Variants in REDIC1 observed in about 807,000 individuals in gnomAD.
REDIC1 encodes the protein HEI10 Interacting Protein 1.
the REDIC1 span, among the ~76,000 whole-genome samples, chr12:39,882,765 TC>T: frequency 0.071 from 10,836 of 152,260 alleles, 528 homozygotes; most frequent in Middle Eastern, 0.11. Context: ...TCTTCTAAAT[TC>T]CTTCTACATT....
chr12:39,772,442 A>G, the REDIC1 span, among the ~76,000 whole-genome samples: 1 of 152,154 alleles, frequency 6.6e-6, no homozygotes, highest in Non-Finnish European at 1.5e-5. Flanking sequence ...ATTGTCCATC[A>G]TAATACCCTA....
chr12:39,819,075 A>G, the REDIC1 span, among the ~76,000 whole-genome samples: 7 of 152,214 alleles, frequency 4.6e-5, no homozygotes, highest in African/African-American at 1.4e-4. Context: ...CAGTATAGTT[A>G]TATAAGCAAA....
the REDIC1 span, among the ~76,000 whole-genome samples, chr12:39,840,227 T>C: frequency 7.9e-5 from 12 of 152,042 alleles, no homozygotes; most frequent in South Asian, 2.5e-3. Context: ...AGTTGGGGTT[T>C]CACCATGTTG....
At chr12:39,815,594 T>C in the REDIC1 span, among the ~76,000 whole-genome samples, 1 of 152,164 alleles carries the variant, frequency 6.6e-6, no homozygotes, top group Non-Finnish European at 1.5e-5. Flanking sequence ...GTTTCTAGTT[T>C]GGGGGACGGT....
the REDIC1 span, among the ~76,000 whole-genome samples, chr12:39,901,884 C>T: frequency 4.4e-4 from 66 of 151,458 alleles, 1 homozygote; most frequent in African/African-American, 1.5e-3. Flanking sequence ...TATAAAGACA[C>T]ATGCACACGT....
At chr12:39,651,719 C>T in the REDIC1 span, among the ~76,000 whole-genome samples, 8 of 152,200 alleles carry the variant, frequency 5.3e-5, no homozygotes, top group Middle Eastern at 3.4e-3. Context: ...TTCTGAGATA[C>T]ATTTTTTAAA....
At chr12:39,895,815 C>T in the REDIC1 span, among the ~76,000 whole-genome samples, 8 of 91,972 alleles carry the variant, frequency 8.7e-5, 3 homozygotes, top group African/African-American at 1.4e-4. Context: ...TGTATACGTA[C>T]ACACATGTAT....
chr12:39,812,752 G>A, the REDIC1 span, among the ~76,000 whole-genome samples: 2,273 of 151,452 alleles, frequency 0.015, 16 homozygotes, highest in Middle Eastern at 0.038. Flanking sequence ...GATTACGGGC[G>A]TGAGTCATTG....
chr12:39,742,365 A>C, the REDIC1 span, among the ~76,000 whole-genome samples: 1 of 152,276 alleles, frequency 6.6e-6, no homozygotes, highest in African/African-American at 2.4e-5. Context: ...TATATTTATT[A>C]AGTGTTGATA....
At chr12:39,726,605 A>T in the REDIC1 span, among the ~76,000 whole-genome samples, 1 of 152,156 alleles carries the variant, frequency 6.6e-6, no homozygotes, top group African/African-American at 2.4e-5. Flanking sequence ...GCTATTGTGA[A>T]TACTGCTGCA....
chr12:39,687,951 G>A, the REDIC1 span, among the ~76,000 whole-genome samples: 9 of 152,322 alleles, frequency 5.9e-5, no homozygotes, highest in South Asian at 1.9e-3. Flanking sequence ...ACACTCTCAA[G>A]CCAAGATTCA....
chr12:39,810,778 T>C, the REDIC1 span, among the ~76,000 whole-genome samples: 1 of 152,140 alleles, frequency 6.6e-6, no homozygotes, highest in Non-Finnish European at 1.5e-5. Flanking sequence ...ATTACATCCA[T>C]TGAATACAGA....
the REDIC1 span, among the ~76,000 whole-genome samples, chr12:39,807,198 G>C: frequency 3.0e-4 from 46 of 152,338 alleles, no homozygotes; most frequent in African/African-American, 9.4e-4. Context: ...GTTAAGGACA[G>C]GGCCACGTAG....
the REDIC1 span, among the ~76,000 whole-genome samples, chr12:39,741,344 A>G: frequency 6.6e-6 from 1 of 152,200 alleles, no homozygotes; most frequent in Non-Finnish European, 1.5e-5. Context: ...CTGGGGATGG[A>G]CAAGAATATC....
chr12:39,631,171 C>T, the REDIC1 span, among the ~76,000 whole-genome samples: 5 of 151,758 alleles, frequency 3.3e-5, no homozygotes, highest in East Asian at 5.8e-4. Flanking sequence ...ATTACAGGCG[C>T]GAGCCACTGT....
chr12:39,667,401 T>C, the REDIC1 span, among the ~76,000 whole-genome samples: 1 of 152,254 alleles, frequency 6.6e-6, no homozygotes, highest in African/African-American at 2.4e-5. Context: ...TAATCCTGAA[T>C]TCTAGTTTGA....
chr12:39,637,297 T>G, the REDIC1 span, among the ~76,000 whole-genome samples: 3 of 152,204 alleles, frequency 2.0e-5, no homozygotes, highest in African/African-American at 7.2e-5. Context: ...TAATGACAAC[T>G]AATATTGTTC....
At chr12:39,889,792 A>G in the REDIC1 span, among the ~76,000 whole-genome samples, 1 of 152,066 alleles carries the variant, frequency 6.6e-6, no homozygotes. Context: ...GGCCTCCCAA[A>G]GTGTTGGGAT....
At chr12:39,692,420 C>T in the REDIC1 span, among the ~76,000 whole-genome samples, 2 of 151,884 alleles carry the variant, frequency 1.3e-5, no homozygotes, top group African/African-American at 4.8e-5. Context: ...TCATATCCTG[C>T]CCTCTAGAGG....
Sources: gnomAD v4.1 joint callset for allele counts (sites outside exome capture counted in the v4.1 genomes callset) on GRCh38, gnomAD v4.1.1 for gene constraint, MANE v1.5 for transcripts, NCBI Gene and HGNC (gene_info 2026-07-23, HGNC 2026-07-21) for gene names.